Variants in FNBP1 observed in about 807,000 individuals in gnomAD.
FNBP1 encodes formin binding protein 1, also known as formin-binding protein 1.
FNBP1 carries 26 observed loss-of-function variants against 90.6 expected under a neutral mutation model. That is an observed-to-expected ratio of 0.29 (90% CI 0.21 to 0.40). The LOEUF is 0.40. FNBP1 is among the 10% of genes least tolerant of loss of function. The pLI, the probability that FNBP1 is intolerant of heterozygous loss-of-function variation, is 1.00. For missense variants in FNBP1, 635 were observed against 768.0 expected (o/e 0.83, Z 2.05); for synonymous variants, 260 against 265.2 (o/e 0.98, Z 0.19).
At chr9:130,014,993 G>A (rs373896649) in intron 1 of FNBP1, among the ~76,000 whole-genome samples, 27 of 149,412 alleles carry the variant, frequency 1.8e-4, no homozygotes, top group Non-Finnish European at 2.7e-4. Context: ...AAAAAATCCC[G>A]GACGATTACT....
At chr9:129,997,039 T>C (rs1292586369) in intron 1 of FNBP1, among the ~76,000 whole-genome samples, 2 of 151,446 alleles carry the variant, frequency 1.3e-5, no homozygotes, top group Non-Finnish European at 2.9e-5. Context: ...ATGACTGAGA[T>C]TTTGGCCAGG....
intron 1 of FNBP1, among the ~76,000 whole-genome samples, chr9:130,007,043 C>T (rs1204764237): frequency 1.3e-5 from 2 of 150,430 alleles, no homozygotes; most frequent in Admixed American, 1.3e-4. Context: ...AGACCAGCCT[C>T]GGCAACATAG....
chr9:130,004,263 G>GA (rs11327035), intron 1 of FNBP1, among the ~76,000 whole-genome samples: 182 of 136,652 alleles, frequency 1.3e-3, no homozygotes, highest in Middle Eastern at 3.7e-3. Context: ...ACTCCATCTC[G>GA]AAAAAAAAAA....
At chr9:129,971,994 C>T (rs1418387576) in intron 4 of FNBP1, among the ~76,000 whole-genome samples, 7 of 152,118 alleles carry the variant, frequency 4.6e-5, no homozygotes, top group Admixed American at 1.3e-4. Flanking sequence ...ATCAAATGGC[C>T]CAATCTGTAC....
At chr9:129,899,773 AAGGG>A (rs781633103) in intron 15 of FNBP1, among the ~76,000 whole-genome samples, 188 bp downstream of exon 15, 1 of 131,100 alleles carries the variant, frequency 7.6e-6, no homozygotes, top group African/African-American at 2.9e-5. Flanking sequence ...GAAGGAAGGG[AAGGG>A]AGGGAAGGGA....
intron 4 of FNBP1, among the ~76,000 whole-genome samples, chr9:129,977,366 A>G (rs1401174948): frequency 6.6e-6 from 1 of 152,180 alleles, no homozygotes; most frequent in Non-Finnish European, 1.5e-5. Flanking sequence ...AAAAGACGAT[A>G]ATGGTGGCAA....
intron 10 of FNBP1, among the ~76,000 whole-genome samples, chr9:129,921,717 T>G (rs2041146439): frequency 6.6e-6 from 1 of 152,184 alleles, no homozygotes; most frequent in Non-Finnish European, 1.5e-5. Context: ...CAGGCCTCTT[T>G]TTTACACAGA....
At chr9:129,893,902 G>A (rs10739764) in intron 16 of FNBP1, among the ~76,000 whole-genome samples, 83,969 of 139,882 alleles carry the variant, frequency 0.6, 24,673 homozygotes, top group East Asian at 0.81. Flanking sequence ...GCGACAGAGC[G>A]AGACTCCATC....
At chr9:130,013,626 C>A in intron 1 of FNBP1, 1 of 445,296 alleles carries the variant, frequency 2.2e-6, no homozygotes, top group Non-Finnish European at 4.5e-6. Context: ...CTCATGTGCA[C>A]CAAGAGACAT....
At chr9:129,893,410 C>T (rs553293785) in intron 16 of FNBP1, among the ~76,000 whole-genome samples, 1 of 147,532 alleles carries the variant, frequency 6.8e-6, no homozygotes, top group African/African-American at 2.5e-5. Flanking sequence ...TGAGACAAGC[C>T]TGGCCAACAT....
chr9:129,895,573 G>A, intron 16 of FNBP1: 1 of 1,233,804 alleles, frequency 8.1e-7, no homozygotes, highest in Non-Finnish European at 1.0e-6. Context: ...ATCAGATTTT[G>A]AATGACATAG....
At position 129,890,529 on chromosome 9, in the gene FNBP1, G is replaced by C; in HGVS notation, c.*10C>G. 1 of 1,585,068 alleles carries C rather than the reference G, an allele frequency of 6.3e-7. No homozygotes were observed. Among genetic ancestry groups the C allele is most frequent in the Non-Finnish European group, 8.6e-7 (1 of 1,166,358 alleles). On this transcript the variant is annotated 3_prime_UTR_variant, in exon 17 of 17. Coordinates refer to ENST00000446176, the MANE Select transcript of FNBP1 (RefSeq NM_015033.3). This position sits in a 1 kb window ranked among gnomAD's most constrained non-coding sequence, Gnocchi z 5.8. ...AGGAAGGCTCACCCGAGGCTCGCAG[G>C]CACTCCCCTCTAGGAATCTACAACA...
chr9:129,926,416 G>A (rs2041915990), intron 8 of FNBP1, among the ~76,000 whole-genome samples: 2 of 152,182 alleles, frequency 1.3e-5, no homozygotes, highest in South Asian at 4.1e-4. Context: ...TTCTCAACCA[G>A]AGAAGCTTTT....
At chr9:129,915,619 C>T (rs1466639457) in intron 11 of FNBP1, among the ~76,000 whole-genome samples, 1 of 152,172 alleles carries the variant, frequency 6.6e-6, no homozygotes, top group Non-Finnish European at 1.5e-5. Flanking sequence ...CCACCTTGGC[C>T]TCCCAAAGTG....
At chr9:129,912,034 G>A (rs1457703271) in intron 11 of FNBP1, among the ~76,000 whole-genome samples, 1 of 152,144 alleles carries the variant, frequency 6.6e-6, no homozygotes, top group Non-Finnish European at 1.5e-5. Flanking sequence ...AGAGGGTCAG[G>A]GGAACCCCAA....
At chr9:129,951,448 G>A (rs562508023) in intron 6 of FNBP1, among the ~76,000 whole-genome samples, 1 of 147,256 alleles carries the variant, frequency 6.8e-6, no homozygotes, top group Non-Finnish European at 1.5e-5. Flanking sequence ...TTATTTGTTT[G>A]TTTGTTTGTT....
At position 129,935,810 on chromosome 9, in the gene FNBP1, G is replaced by A. The variant is rs147422544; in HGVS notation, c.514-6115C>T. 2.6e-4 allele frequency among the ~76,000 whole-genome samples: 40 copies of A among 152,076 alleles called. 2 individuals are homozygous for A. In the East Asian group the frequency reaches 7.1e-3, roughly 27 times the overall value. On this transcript the variant is annotated intron_variant, in intron 6 of 16. Coordinates refer to ENST00000446176, the MANE Select transcript of FNBP1 (RefSeq NM_015033.3). Reference sequence around the variant, plus strand: ...CCCTCTTGCATCATTTTTCAAGGCTGCCTATGGCTTTTGACCTTTTAACTA... The same window carrying A: ...CCCTCTTGCATCATTTTTCAAGGCTACCTATGGCTTTTGACCTTTTAACTA...
chr9:130,038,952 C>T lies in FNBP1; in HGVS notation c.24+4000G>A, dbSNP rs146755208. The stretch of plus-strand genomic sequence containing the variant: ...ATAAGCAAGCTAATAAAAAGCTGAA[C>T]TAACACTTCAGTAACCTGTCACTTC... On this transcript the variant is annotated intron_variant, in intron 1 of 16. Transcript: ENST00000446176. Among the ~76,000 whole-genome samples, 4 of 152,090 alleles carry T rather than the reference C, an allele frequency of 2.6e-5. No individual in the cohort carries two copies. In the South Asian group the frequency reaches 6.2e-4, roughly 24 times the overall value.
At chr9:129,921,860 T>C (rs1208361459) in intron 10 of FNBP1, among the ~76,000 whole-genome samples, 1 of 152,196 alleles carries the variant, frequency 6.6e-6, no homozygotes, top group Non-Finnish European at 1.5e-5. Flanking sequence ...TAGAATCTTT[T>C]CCCAGGCCAA....
Sources: allele counts gnomAD v4.1 joint callset (sites outside exome capture counted in the v4.1 genomes callset), GRCh38; gene constraint gnomAD v4.1.1; non-coding constraint Gnocchi (gnomAD v3.1); transcripts MANE v1.5; gene names NCBI Gene and HGNC (gene_info 2026-07-23, HGNC 2026-07-21).